The following KSR2 variants were observed in gnomAD, a reference collection of about 807,000 sequenced individuals.
KSR2 encodes the protein kinase suppressor of ras 2.
Under a neutral mutation model 107.8 loss-of-function variants are expected in KSR2, and 25 were observed. That is an observed-to-expected ratio of 0.23 (90% CI 0.17 to 0.32). The LOEUF (loss-of-function observed/expected upper bound fraction) is 0.32. KSR2 is among the 10% of genes least tolerant of loss of function. The pLI is 1.00. For synonymous variants in KSR2, 480 were observed against 507.0 expected (o/e 0.95, Z 0.71); for missense variants, 887 against 1,268.9 (o/e 0.70, Z 4.57).
chr12:117,694,390 A>C lies in KSR2; in HGVS notation c.987-26732T>G, dbSNP rs189601904. On this transcript the variant is annotated intron_variant, in intron 4 of 19. Transcript: ENST00000339824. ...CTTGCCTGCCACCATGTAAGATGTG[A>C]CTTTGCTCCTCCTTTGTCTTCCACC... 2.0e-4 allele frequency among the ~76,000 whole-genome samples: 30 copies of C among 152,262 alleles called. No individual in the cohort carries two copies. In the East Asian group the frequency reaches 2.1e-3, roughly 11 times the overall value.
chr12:117,907,589 G>C lies in KSR2; in HGVS notation c.181-47158C>G, dbSNP rs745358351. Among the ~76,000 whole-genome samples the C allele has an allele frequency of 3.3e-5, 5 of 152,160 alleles. No homozygotes were observed. The highest frequency in any genetic ancestry group is 7.4e-5 in the Non-Finnish European group (5 of 68,024). On this transcript the variant is annotated intron_variant, in intron 1 of 19. Coordinates refer to ENST00000339824, the MANE Select transcript of KSR2 (RefSeq NM_173598.6). The surrounding 1 kb of genome is among the most constrained non-coding windows in gnomAD (Gnocchi z 4.3). Reference sequence around the variant, plus strand: ...AGAGATTAAGAGAGCACAGAACACAGAGAGAGAGAATATCAGAAAATGTGA... The same window carrying C: ...AGAGATTAAGAGAGCACAGAACACACAGAGAGAGAATATCAGAAAATGTGA...
At chr12:117,873,551 C>G (rs1476125906) in intron 1 of KSR2, among the ~76,000 whole-genome samples, 1 of 150,100 alleles carries the variant, frequency 6.7e-6, no homozygotes. Context: ...ACCTCCACCT[C>G]CCGGGTCCAA....
At position 117,468,385 on chromosome 12, in the gene KSR2, G is replaced by A. The variant is rs564462256; in HGVS notation, c.2847-1180C>T. On this transcript the variant is annotated intron_variant, in intron 19 of 19. Transcript: ENST00000339824. The stretch of plus-strand genomic sequence containing the variant: ...CCCCAGGCCACACAGCTATTACGTA[G>A]TGGAGTGGCAATTTCAATCTATGTC... Among the ~76,000 whole-genome samples the A allele has an allele frequency of 9.1e-4, 138 of 152,340 alleles. 1 individual carries two copies. The highest frequency in any genetic ancestry group is 1.5e-3 in the Non-Finnish European group (105 of 68,036).
chr12:117,720,231 C>T (rs910561812), intron 4 of KSR2, among the ~76,000 whole-genome samples: 2 of 152,190 alleles, frequency 1.3e-5, no homozygotes, highest in African/African-American at 4.8e-5. Flanking sequence ...TACAGGGAAG[C>T]AGGCCTGTTT....
At chr12:117,484,358 C>G in intron 16 of KSR2, 58 bp downstream of exon 16, 1 of 1,598,016 alleles carries the variant, frequency 6.3e-7, no homozygotes, top group East Asian at 2.3e-5. Flanking sequence ...GGACTAACTT[C>G]CCACCTCCTG....
intron 1 of KSR2, among the ~76,000 whole-genome samples, chr12:117,951,178 G>C (rs1896354855): frequency 1.3e-5 from 2 of 152,116 alleles, no homozygotes; most frequent in Non-Finnish European, 2.9e-5. Flanking sequence ...AAAGTGCTGG[G>C]ATTACAGGTG....
At chr12:117,752,652 T>C (rs1466936443) in intron 4 of KSR2, among the ~76,000 whole-genome samples, 1 of 152,266 alleles carries the variant, frequency 6.6e-6, no homozygotes, top group African/African-American at 2.4e-5. Context: ...AATAAAGATA[T>C]ATCTGCAAAT....
intron 4 of KSR2, 77 bp downstream of exon 4, chr12:117,760,934 G>A: frequency 1.3e-6 from 2 of 1,572,066 alleles, no homozygotes; most frequent in Non-Finnish European, 1.7e-6. Context: ...CTTGACCTGG[G>A]CAGTTCCTGG....
chr12:117,583,293 G>A (rs1297406611), intron 5 of KSR2, among the ~76,000 whole-genome samples: 1 of 149,912 alleles, frequency 6.7e-6, no homozygotes, highest in East Asian at 2.0e-4. Context: ...GGGTAAGTGG[G>A]TGGATGGATG....
At chr12:117,895,393 TTC>T (rs1336137485) in intron 1 of KSR2, among the ~76,000 whole-genome samples, 1 of 152,094 alleles carries the variant, frequency 6.6e-6, no homozygotes, top group Non-Finnish European at 1.5e-5. Flanking sequence ...AGCCCAGTGG[TTC>T]TCTAACTTGG....
intron 4 of KSR2, among the ~76,000 whole-genome samples, chr12:117,720,835 A>G (rs1270192054): frequency 6.6e-6 from 1 of 152,184 alleles, no homozygotes; most frequent in East Asian, 1.9e-4. Context: ...AAAAAATAGG[A>G]ATTAATTACA....
chr12:117,597,017 T>C (rs1880688916), intron 5 of KSR2, among the ~76,000 whole-genome samples: 1 of 152,222 alleles, frequency 6.6e-6, no homozygotes, highest in Admixed American at 6.5e-5. Context: ...TAGATTTTTT[T>C]CTCCATGGCC....
intron 3 of KSR2, among the ~76,000 whole-genome samples, chr12:117,851,257 A>G (rs535038936): frequency 6.6e-5 from 10 of 152,262 alleles, no homozygotes; most frequent in South Asian, 6.2e-4. Context: ...GAGGTAGGGG[A>G]TCAGTGTAGG....
intron 7 of KSR2, among the ~76,000 whole-genome samples, chr12:117,575,038 C>T (rs1439585940): frequency 1.3e-5 from 2 of 152,164 alleles, no homozygotes; most frequent in Non-Finnish European, 2.9e-5. Context: ...CATCCCTCAC[C>T]ACTTGAATTG....
chr12:117,779,250 A>G (rs996783725), intron 3 of KSR2, among the ~76,000 whole-genome samples: 1 of 152,228 alleles, frequency 6.6e-6, no homozygotes, highest in Non-Finnish European at 1.5e-5. Context: ...AGACAACTGC[A>G]TGGGCACCAG....
At chr12:117,794,956 A>G (rs149837552) in intron 3 of KSR2, among the ~76,000 whole-genome samples, 1,531 of 152,320 alleles carry the variant, frequency 0.01, 14 homozygotes, top group Middle Eastern at 0.017. Context: ...AGTATCAGAG[A>G]ACACTGCTAA....
chr12:117,552,465 T>A (rs1459044026), intron 9 of KSR2, among the ~76,000 whole-genome samples: 2 of 152,186 alleles, frequency 1.3e-5, no homozygotes, highest in Non-Finnish European at 2.9e-5. Context: ...GTTCCACCTG[T>A]TTGCTAATTC....
At chr12:117,737,049 C>A (rs1045887349) in intron 4 of KSR2, among the ~76,000 whole-genome samples, 1 of 152,198 alleles carries the variant, frequency 6.6e-6, no homozygotes, top group African/African-American at 2.4e-5. Context: ...ATAATATATA[C>A]AACTTCAAAC....
chr12:117,572,414 T>C (rs1192554767), intron 7 of KSR2, among the ~76,000 whole-genome samples: 1 of 152,076 alleles, frequency 6.6e-6, no homozygotes, highest in African/African-American at 2.4e-5. Context: ...GAAGTGGCAA[T>C]GTTAAGCTTG....
Sources: gnomAD v4.1 joint callset for allele counts (sites outside exome capture counted in the v4.1 genomes callset) on GRCh38, gnomAD v4.1.1 for gene constraint, Gnocchi (gnomAD v3.1) non-coding constraint, MANE v1.5 for transcripts, NCBI Gene and HGNC (gene_info 2026-07-23, HGNC 2026-07-21) for gene names.